Variants in SMAD2 observed in about 807,000 individuals in gnomAD.
SMAD2 encodes the protein MAD homolog 2.
A neutral mutation model predicts 64.4 loss-of-function variants in SMAD2; 8 were observed. The observed-to-expected ratio is 0.12, with a 90% confidence interval of 0.07 to 0.22. SMAD2 has a LOEUF of 0.22. Among genes scored for constraint, SMAD2 ranks in the 10% least tolerant of loss-of-function variants. SMAD2 has a pLI of 1.00. For missense variants in SMAD2, 289 were observed against 561.2 expected (o/e 0.51, Z 4.90); for synonymous variants, 203 against 195.8 (o/e 1.04, Z -0.31).
rs1912413449 is a variant in SMAD2, at chr18:47,817,547, T to C, written c.*24280A>G. ...AACTCATGGGCTCAAGCGATCCTCC[T>C]GCCTTGGCCTCCCAAAGTGCTGGGA... is the stretch of plus-strand genomic sequence containing the variant. On this transcript the variant is annotated 3_prime_UTR_variant, in exon 11 of 11. Coordinates refer to ENST00000262160, the MANE Select transcript of SMAD2 (RefSeq NM_005901.6). 6.6e-6 allele frequency: 1 copy of C among 152,182 alleles called. No individual in the cohort carries two copies. The highest frequency in any genetic ancestry group is 2.1e-4 in the South Asian group (1 of 4,810). The allele number at this position is 152,182 out of a possible 1,614,324, so 9.4% of individuals were successfully genotyped here.
rs1309089134 is a variant in SMAD2, at chr18:47,845,492, TA to T, written c.1136-9del. On this transcript the variant is annotated splice_polypyrimidine_tract_variant and intron_variant, in intron 9 of 10. Coordinates refer to ENST00000262160, the MANE Select transcript of SMAD2 (RefSeq NM_005901.6). Reference sequence around the variant, plus strand: ...AGATCTTCAGATTACAGCCTATGATTAAAAAAGGTAAAAGAAATTGTCAAAA... The same window carrying T: ...AGATCTTCAGATTACAGCCTATGATTAAAAAGGTAAAAGAAATTGTCAAAA... 3.7e-6 allele frequency: 6 copies of T among 1,611,688 alleles called. No individual in the cohort carries two copies. The highest frequency in any genetic ancestry group is 2.2e-5 in the East Asian group (1 of 44,850).
At chr18:47,913,168 G>A (rs2034207546) in intron 1 of SMAD2, among the ~76,000 whole-genome samples, 2 of 152,264 alleles carry the variant, frequency 1.3e-5, no homozygotes, top group East Asian at 1.9e-4. Flanking sequence ...TGATCCATCC[G>A]CCTCGGCCTC....
intron 2 of SMAD2, among the ~76,000 whole-genome samples, chr18:47,881,587 T>C (rs1410381159): frequency 6.6e-6 from 1 of 152,230 alleles, no homozygotes; most frequent in African/African-American, 2.4e-5. Context: ...TATATTTTGT[T>C]TTCCTGACTC....
In SMAD2 at chr18:47,834,278, T is replaced by C. The variant is rs1317563302; in HGVS notation, c.*7549A>G. ...TGAGTTTAGCAAAAACTTTACAAGA[T>C]TAAAAATCAGAGCAAATGAATTTCT... On this transcript the variant is annotated 3_prime_UTR_variant, in exon 11 of 11. Coordinates refer to ENST00000262160, the MANE Select transcript of SMAD2 (RefSeq NM_005901.6). The C allele has an allele frequency of 4.8e-6, 1 of 210,014 alleles. No individual in the cohort carries two copies. Among genetic ancestry groups the C allele is most frequent in the African/African-American group, 2.3e-5 (1 of 44,046 alleles). 13.0% of individuals were successfully genotyped at this position (210,014 alleles called of 1,614,324 possible).
Position 47,827,282 on chromosome 18 carries a change from G to C in SMAD2, c.*14545C>G, listed in dbSNP as rs1331711919. 2 of 152,006 alleles carry C rather than the reference G, an allele frequency of 1.3e-5. No individual in the cohort carries two copies. Among genetic ancestry groups the C allele is most frequent in the Non-Finnish European group, 1.5e-5 (1 of 68,012 alleles). 9.4% of individuals were successfully genotyped at this position (152,006 alleles called of 1,614,324 possible). A position where few individuals can be genotyped will look rare whatever the true frequency, so the allele number is the denominator to read the frequency against. On this transcript the variant is annotated 3_prime_UTR_variant, in exon 11 of 11. Coordinates refer to ENST00000262160, the MANE Select transcript of SMAD2 (RefSeq NM_005901.6). ...GGCCTTTAAGATATTGCTATTCCCA[G>C]TCAAGAAATACCCAGACAACTAAAG...
At chr18:47,898,509 C>T (rs1481197249) in intron 1 of SMAD2, among the ~76,000 whole-genome samples, 1 of 152,094 alleles carries the variant, frequency 6.6e-6, no homozygotes, top group Admixed American at 6.6e-5. Context: ...AAAGAAGATC[C>T]TAACACAAGA....
intron 6 of SMAD2, among the ~76,000 whole-genome samples, chr18:47,858,032 C>T (rs1248118141): frequency 6.6e-6 from 1 of 152,148 alleles, no homozygotes; most frequent in Non-Finnish European, 1.5e-5. Flanking sequence ...AGCTCCTCAA[C>T]TTGGCAAATA....
chr18:47,860,994 C>T (rs2031134842), intron 6 of SMAD2, among the ~76,000 whole-genome samples: 1 of 152,034 alleles, frequency 6.6e-6, no homozygotes, highest in Non-Finnish European at 1.5e-5. Flanking sequence ...ATTCTTATAG[C>T]TTCAACAGTT....
At chr18:47,928,200 T>C (rs1013411797) in intron 1 of SMAD2, among the ~76,000 whole-genome samples, 2 of 152,142 alleles carry the variant, frequency 1.3e-5, no homozygotes, top group African/African-American at 2.4e-5. Context: ...CAAAAACACC[T>C]GTATAAAAAA....
At chr18:47,915,915 T>C (rs1008329757) in intron 1 of SMAD2, among the ~76,000 whole-genome samples, 1 of 152,210 alleles carries the variant, frequency 6.6e-6, no homozygotes, top group African/African-American at 2.4e-5. Context: ...TACTCTTCTG[T>C]GTTTTTTAAC....
chr18:47,882,605 C>A (rs1424817969), intron 2 of SMAD2, among the ~76,000 whole-genome samples: 2 of 152,100 alleles, frequency 1.3e-5, no homozygotes, highest in African/African-American at 2.4e-5. Context: ...TTTAACTTTT[C>A]TTTTAGTTGC....
At chr18:47,872,170 C>T (rs1225151110) in intron 2 of SMAD2, among the ~76,000 whole-genome samples, 3 of 152,134 alleles carry the variant, frequency 2.0e-5, no homozygotes, top group Admixed American at 6.5e-5. Flanking sequence ...CAACTGCTGC[C>T]ATAGGGTATA....
intron 8 of SMAD2, among the ~76,000 whole-genome samples, chr18:47,847,725 A>G (rs1914662040): frequency 6.8e-6 from 1 of 146,968 alleles, no homozygotes; most frequent in South Asian, 2.2e-4. Context: ...AAAAAAATAG[A>G]GTGGCAACAT....
rs553889533 is a variant in SMAD2 at position 47,833,308 on chromosome 18, T to C, written c.*8519A>G. 17 of 218,002 alleles carry C rather than the reference T, an allele frequency of 7.8e-5. No homozygotes were observed. Among genetic ancestry groups the C allele is most frequent in the African/African-American group, 3.6e-4 (16 of 44,612 alleles). The allele number at this position is 218,002 out of a possible 1,614,324, so 13.5% of individuals were successfully genotyped here. A position where few individuals can be genotyped will look rare whatever the true frequency, so the allele number is the denominator to read the frequency against. On this transcript the variant is annotated 3_prime_UTR_variant, in exon 11 of 11. Coordinates refer to ENST00000262160, the MANE Select transcript of SMAD2 (RefSeq NM_005901.6). ...AGCAGAACTTTTTTTGTACTTTAAA[T>C]AGACTAAAATATTTGGTGTAGGTGG... is the stretch of plus-strand genomic sequence containing the variant.
intron 7 of SMAD2, among the ~76,000 whole-genome samples, chr18:47,849,321 T>C (rs1303890178): frequency 6.6e-6 from 1 of 152,010 alleles, no homozygotes; most frequent in Non-Finnish European, 1.5e-5. Context: ...TGGAAAACTA[T>C]ATATTTAGCT....
chr18:47,855,515 C>A (rs941836954), intron 6 of SMAD2, among the ~76,000 whole-genome samples: 1 of 152,170 alleles, frequency 6.6e-6, no homozygotes, highest in Non-Finnish European at 1.5e-5. Flanking sequence ...CCATCCTCAC[C>A]ACACCAGCAC....
Position 47,840,077 on chromosome 18 carries a change from A to G in SMAD2, c.*1750T>C, listed in dbSNP as rs1445521883. ...CCTGGTACAAACAGGTGAACAATAA[A>G]TATTTGTTGAATGAATAAAAAATTA... On this transcript the variant is annotated 3_prime_UTR_variant, in exon 11 of 11. Coordinates refer to ENST00000262160, the MANE Select transcript of SMAD2 (RefSeq NM_005901.6). The G allele has an allele frequency of 2.6e-5, 6 of 233,114 alleles. No homozygotes were observed. The highest frequency in any genetic ancestry group is 8.8e-5 in the African/African-American group (4 of 45,346). 14.4% of individuals were successfully genotyped at this position (233,114 alleles called of 1,614,324 possible). A position where few individuals can be genotyped will look rare whatever the true frequency, so the allele number is the denominator to read the frequency against.
At chr18:47,870,808 G>A (rs759292832) in intron 2 of SMAD2, among the ~76,000 whole-genome samples, 1 of 152,086 alleles carries the variant, frequency 6.6e-6, no homozygotes, top group Non-Finnish European at 1.5e-5. Context: ...GAACACCAAC[G>A]CCCTCTAGCT....
chr18:47,845,555 C>CAA, intron 9 of SMAD2, 71 bp from the exon 10 acceptor site: 6 of 1,579,202 alleles, frequency 3.8e-6, no homozygotes, highest in Non-Finnish European at 5.2e-6. Context: ...AAAAGGGTTA[C>CAA]AAGTTTTAGA....
Sources: allele counts gnomAD v4.1 joint callset (sites outside exome capture counted in the v4.1 genomes callset), GRCh38; gene constraint gnomAD v4.1.1; transcripts MANE v1.5; gene names NCBI Gene and HGNC (gene_info 2026-07-23, HGNC 2026-07-21).